The following ANK2 variants were observed in gnomAD, a reference collection of about 807,000 sequenced individuals.
ANK2 encodes the protein ankyrin 2.
ANK2 carries 83 observed loss-of-function variants against 360.5 expected under a neutral mutation model. The observed-to-expected ratio is 0.23, with a 90% CI of 0.19 to 0.28. ANK2 has a LOEUF of 0.28. Ranked by LOEUF, ANK2 falls within the 10% of genes least tolerant of loss-of-function variation. The pLI is 1.00. For synonymous variants in ANK2, 1,740 were observed against 1,759.5 expected, an observed-to-expected ratio of 0.99 and a Z score of 0.28; for missense variants, 4,201 against 4,795.7, an observed-to-expected ratio of 0.88 and a Z score of 3.66.
intron 4 of ANK2, among the ~76,000 whole-genome samples, chr4:113,226,153 T>A (rs761456727): frequency 3.9e-5 from 6 of 152,242 alleles, no homozygotes; most frequent in Non-Finnish European, 8.8e-5. Flanking sequence ...TCCACTCTTC[T>A]GGACTATAGT....
At chr4:112,992,602 T>C (rs2047192279) in intron 2 of ANK2, among the ~76,000 whole-genome samples, 1 of 152,226 alleles carries the variant, frequency 6.6e-6, no homozygotes, top group African/African-American at 2.4e-5. Context: ...GATCGGGTTC[T>C]GACAAGGGCT....
intron 2 of ANK2, among the ~76,000 whole-genome samples, chr4:112,968,620 A>G (rs954310825): frequency 1.3e-5 from 2 of 152,012 alleles, no homozygotes; most frequent in Admixed American, 1.3e-4. Context: ...CTTTTCCCAC[A>G]TTGTGACTGC....
intron 22 of ANK2, among the ~76,000 whole-genome samples, chr4:113,298,787 A>G (rs1447904798): frequency 6.6e-6 from 1 of 152,200 alleles, no homozygotes; most frequent in Non-Finnish European, 1.5e-5. Flanking sequence ...TCATTTCACT[A>G]TAGCCTTGTT....
chr4:112,797,744 C>T, the ANK2 span: 52,823 of 172,086 alleles, frequency 0.31, 8,289 homozygotes, highest in East Asian at 0.34. Flanking sequence ...TATATACTCA[C>T]GGACAACTTC....
intron 2 of ANK2, among the ~76,000 whole-genome samples, chr4:112,966,919 G>C (rs944159845): frequency 6.6e-6 from 1 of 152,128 alleles, no homozygotes; most frequent in African/African-American, 2.4e-5. Flanking sequence ...GTCAATAAAT[G>C]TAAGAAAGCT....
rs2095700163 is a variant in ANK2, at chr4:113,355,546, G to A, written c.6928G>A (p.Glu2310Lys). ...SETSTESFQK[E>K]ATLGSPKDTS... ...GACCTCTACTGAGAGTTTTCAGAAA[G>A]AGGCCACTCTAGGCTCTCCCAAAGA... The change falls in exon 38 of 46, where the codon GAG becomes AAG. Residue 2310 changes from glutamate (E) to lysine (K), a missense_variant. Glu to Lys is a moderately conservative substitution (Grantham distance 56). Transcript: ENST00000357077. The A allele has an allele frequency of 6.2e-7, 1 of 1,613,982 alleles. No homozygotes were observed.
intron 2 of ANK2, among the ~76,000 whole-genome samples, chr4:113,021,539 A>ATAT (rs34948422): frequency 9.2e-6 from 1 of 108,674 alleles, no homozygotes; most frequent in Non-Finnish European, 1.9e-5. Flanking sequence ...CCCACACACA[A>ATAT]ACATATATAT....
intron 2 of ANK2, among the ~76,000 whole-genome samples, chr4:113,188,944 C>CATT (rs1286574919): frequency 6.6e-6 from 1 of 152,152 alleles, no homozygotes; most frequent in African/African-American, 2.4e-5. Flanking sequence ...ATACTGTACA[C>CATT]ATTATTAATT....
chr4:112,844,025 T>G (rs2062748802), intron 1 of ANK2, among the ~76,000 whole-genome samples: 1 of 152,192 alleles, frequency 6.6e-6, no homozygotes, highest in Non-Finnish European at 1.5e-5. Context: ...AACACAAAAT[T>G]GTTCTGGAAA....
Position 113,331,978 on chromosome 4 carries a change from T to C in ANK2, c.3132T>C (p.Leu1044=), listed in dbSNP as rs2092561315. 6.2e-6 allele frequency: 10 copies of C among 1,613,916 alleles called. No individual in the cohort carries two copies. Among genetic ancestry groups the C allele is most frequent in the Non-Finnish European group, 8.5e-6 (10 of 1,179,882 alleles). ...CTGCTTTGGATGTACTCAGTAAACT[T>C]CACCTGCCAACGGCTCCTCCCCCAC... The part of the protein sequence containing the change: ...GPSGAQFLGK[L]HLPTAPPPLN... Residue 1044 remains leucine (L), a synonymous_variant, in exon 28 of 46, where the codon CTT becomes CTC. Coordinates refer to ENST00000357077, the MANE Select transcript of ANK2 (RefSeq NM_001148.6).
At chr4:113,056,198 A>G (rs1047729987) in intron 1 of ANK2, among the ~76,000 whole-genome samples, 1 of 152,178 alleles carries the variant, frequency 6.6e-6, no homozygotes, top group Non-Finnish European at 1.5e-5. Flanking sequence ...AAATTAAGCC[A>G]CCATAAAAAG....
upstream of ANK2, among the ~76,000 whole-genome samples, chr4:113,047,430 T>G (rs550386151): frequency 6.6e-6 from 1 of 152,324 alleles, no homozygotes; most frequent in South Asian, 2.1e-4. Context: ...CCTCTAGTGC[T>G]CAGTTCCTGG....
the ANK2 span, among the ~76,000 whole-genome samples, chr4:112,768,951 T>A: frequency 6.6e-6 from 1 of 152,214 alleles, no homozygotes; most frequent in African/African-American, 2.4e-5. Context: ...ACAATAATAC[T>A]GCCTAACAAA....
chr4:113,346,047 A>C (rs2094812353), intron 35 of ANK2, 25 bp downstream of exon 35: 1 of 1,612,044 alleles, frequency 6.2e-7, no homozygotes, highest in Non-Finnish European at 8.5e-7. Flanking sequence ...GCTATAGTGC[A>C]ATTCAGGTAG....
the ANK2 span, among the ~76,000 whole-genome samples, chr4:112,718,659 C>T: frequency 5.9e-5 from 9 of 151,430 alleles, no homozygotes; most frequent in South Asian, 1.5e-3. Flanking sequence ...ATTTTTGAGA[C>T]GGAGTTTCAC....
At chr4:112,748,222 A>T in the ANK2 span, among the ~76,000 whole-genome samples, 3 of 152,226 alleles carry the variant, frequency 2.0e-5, no homozygotes, top group African/African-American at 7.2e-5. Flanking sequence ...AAATGTGCCT[A>T]TACAGACAAA....
At chr4:113,069,088 GAA>G (rs1321167187) in intron 1 of ANK2, among the ~76,000 whole-genome samples, 2 of 152,062 alleles carry the variant, frequency 1.3e-5, no homozygotes, top group East Asian at 3.9e-4. Context: ...GAAAAGAAAA[GAA>G]AAGAGAGGAG....
chr4:113,317,849 A>T (rs750614067), intron 25 of ANK2, 40 bp downstream of exon 25: 23 of 1,520,718 alleles, frequency 1.5e-5, no homozygotes, highest in African/African-American at 4.1e-5. Flanking sequence ...CTTTCTGGAG[A>T]GCTTTGTAAC....
intron 1 of ANK2, among the ~76,000 whole-genome samples, chr4:113,119,256 A>T (rs1338488465): frequency 2.0e-5 from 3 of 152,044 alleles, no homozygotes; most frequent in Non-Finnish European, 4.4e-5. Context: ...CTCTTTTTTC[A>T]TGTGCACCTA....
Sources: gnomAD v4.1 joint callset for allele counts (sites outside exome capture counted in the v4.1 genomes callset) on GRCh38, gnomAD v4.1.1 for gene constraint, MANE v1.5 for transcripts, NCBI Gene and HGNC (gene_info 2026-07-23, HGNC 2026-07-21) for gene names.